ST6GALNAC3: variants seen among roughly 807,000 people sequenced by gnomAD.
ST6GALNAC3 encodes ST6 N-acetylgalactosaminide alpha-2,6-sialyltransferase 3, also known as alpha-N-acetylgalactosaminide alpha-2,6-sialyltransferase 3.
Under a neutral mutation model 32.7 loss-of-function variants are expected in ST6GALNAC3, and 25 were observed. The ratio of observed to expected loss-of-function variants is 0.76; its 90% confidence interval spans 0.56 to 1.07. The LOEUF is 1.07. Ranked by LOEUF, ST6GALNAC3 falls within the 50% of genes least tolerant of loss-of-function variation. ST6GALNAC3 has a pLI of 0.00. For missense variants in ST6GALNAC3, 355 were observed against 382.4 expected (o/e 0.93, Z 0.60); for synonymous variants, 129 against 133.1 (o/e 0.97, Z 0.21).
At chr1:76,382,732 A>G (rs1487859263) in intron 2 of ST6GALNAC3, among the ~76,000 whole-genome samples, 1 of 152,222 alleles carries the variant, frequency 6.6e-6, no homozygotes, top group African/African-American at 2.4e-5. Context: ...CTAAGGGATT[A>G]TAAATAAAAA....
intron 1 of ST6GALNAC3, among the ~76,000 whole-genome samples, chr1:76,154,934 C>T (rs1279193820): frequency 6.6e-6 from 1 of 152,138 alleles, no homozygotes; most frequent in East Asian, 1.9e-4. Flanking sequence ...GTTTCTTGGC[C>T]CTTGATTAGA....
chr1:76,141,708 C>A (rs1650335792), intron 1 of ST6GALNAC3, among the ~76,000 whole-genome samples: 1 of 152,220 alleles, frequency 6.6e-6, no homozygotes, highest in Admixed American at 6.5e-5. Flanking sequence ...ACACATACAT[C>A]CCCTCCCATC....
chr1:76,203,419 C>T (rs1026082404), intron 1 of ST6GALNAC3, among the ~76,000 whole-genome samples: 1 of 152,164 alleles, frequency 6.6e-6, no homozygotes, highest in African/African-American at 2.4e-5. Flanking sequence ...GTAAGTTTTA[C>T]AGGCTCTCCA....
At chr1:76,329,694 G>C (rs1044886355) in intron 2 of ST6GALNAC3, among the ~76,000 whole-genome samples, 2 of 151,954 alleles carry the variant, frequency 1.3e-5, no homozygotes, top group African/African-American at 2.4e-5. Flanking sequence ...TAAACACATG[G>C]ATCATTCTTT....
intron 2 of ST6GALNAC3, among the ~76,000 whole-genome samples, chr1:76,393,432 C>T (rs1652715681): frequency 6.6e-6 from 1 of 152,160 alleles, no homozygotes; most frequent in Admixed American, 6.5e-5. Context: ...ACAATTCATA[C>T]TCTTCATTCA....
At chr1:76,438,666 C>T (rs576506446) in intron 3 of ST6GALNAC3, among the ~76,000 whole-genome samples, 20 of 152,190 alleles carry the variant, frequency 1.3e-4, no homozygotes, top group African/African-American at 4.1e-4. Context: ...CTCCTGAATA[C>T]GTTTTCTTCT....
intron 3 of ST6GALNAC3, among the ~76,000 whole-genome samples, chr1:76,530,101 T>A (rs1198470121): frequency 5.9e-5 from 9 of 152,236 alleles, no homozygotes; most frequent in African/African-American, 2.2e-4. Context: ...TCCTAACCTA[T>A]GATTATTCAA....
intron 1 of ST6GALNAC3, among the ~76,000 whole-genome samples, chr1:76,248,532 C>T (rs1657438270): frequency 6.6e-6 from 1 of 152,110 alleles, no homozygotes; most frequent in African/African-American, 2.4e-5. Flanking sequence ...CAAATCACCG[C>T]CCCTTAGATT....
rs934400900 is a variant in ST6GALNAC3 at position 76,632,990 on chromosome 1, A to G, written c.*4184A>G. 4 of 152,182 alleles carry G rather than the reference A, an allele frequency of 2.6e-5. No individual in the cohort carries two copies. The highest frequency in any genetic ancestry group is 4.4e-5 in the Non-Finnish European group (3 of 68,024). 9.4% of individuals were successfully genotyped at this position (152,182 alleles called of 1,614,324 possible). On this transcript the variant is annotated 3_prime_UTR_variant, in exon 5 of 5. Transcript: ENST00000328299. ...TTAAAAGACAAGACCTCATCATTTCAGTAGTGTACATAGATTAGTGACTGA... is the reference window on the plus strand; with the variant it reads ...TTAAAAGACAAGACCTCATCATTTCGGTAGTGTACATAGATTAGTGACTGA...
At chr1:76,220,611 A>T (rs1004767485) in intron 1 of ST6GALNAC3, among the ~76,000 whole-genome samples, 2 of 152,186 alleles carry the variant, frequency 1.3e-5, no homozygotes, top group South Asian at 2.1e-4. Context: ...TGGCAGGATG[A>T]TCTAATGCTG....
rs1360714769 is a variant in ST6GALNAC3 at position 76,313,868 on chromosome 1, G to C, written c.82G>C (p.Val28Leu). 6.2e-7 allele frequency: 1 copy of C among 1,613,666 alleles called. No homozygotes were observed. The highest frequency in any genetic ancestry group is 1.1e-5 in the South Asian group (1 of 91,066). The change falls in exon 2 of 5, where the codon GTA becomes CTA. Residue 28 changes from valine to leucine, a missense_variant. By Grantham distance (32) the Val-to-Leu change is conservative (BLOSUM62 1). Transcript: ENST00000328299. ...AFLFLLVVRLVNEVNFPLLLN... is the reference protein window; with the variant it reads ...AFLFLLVVRLLNEVNFPLLLN... Reference sequence around the variant, plus strand: ...CCTTTTCCTGCTGGTTGTGCGTCTTGTAAATGAAGTGAATTTCCCATTGCT... The same window carrying C: ...CCTTTTCCTGCTGGTTGTGCGTCTTCTAAATGAAGTGAATTTCCCATTGCT...
Position 76,629,930 on chromosome 1 carries a change from C to T in ST6GALNAC3, c.*1124C>T. 1.0e-6 allele frequency: 1 copy of T among 985,056 alleles called. No individual in the cohort carries two copies. Among genetic ancestry groups the T allele is most frequent in the Non-Finnish European group, 1.2e-6 (1 of 829,770 alleles). 61.0% of individuals were successfully genotyped at this position (985,056 alleles called of 1,614,324 possible). A position where few individuals can be genotyped will look rare whatever the true frequency, so the allele number is the denominator to read the frequency against. ...TATTAAACCTGACCAGAGCTTTTTG[C>T]CTTCTAGGGATTTATTTTTCCCATA... On this transcript the variant is annotated 3_prime_UTR_variant, in exon 5 of 5. Coordinates refer to ENST00000328299, the MANE Select transcript of ST6GALNAC3 (RefSeq NM_152996.4).
intron 3 of ST6GALNAC3, among the ~76,000 whole-genome samples, chr1:76,590,105 C>G (rs916584973): frequency 6.6e-6 from 1 of 152,078 alleles, no homozygotes; most frequent in Non-Finnish European, 1.5e-5. Context: ...CAAGTTGTAC[C>G]CTTGAGGACC....
chr1:76,100,758 T>G (rs1647204900), intron 1 of ST6GALNAC3, among the ~76,000 whole-genome samples: 1 of 152,116 alleles, frequency 6.6e-6, no homozygotes, highest in African/African-American at 2.4e-5. Flanking sequence ...TGTTTTTTCT[T>G]TAAAGTTCTG....
intron 3 of ST6GALNAC3, among the ~76,000 whole-genome samples, chr1:76,557,648 T>G (rs535397473): frequency 6.6e-6 from 1 of 152,092 alleles, no homozygotes; most frequent in Admixed American, 6.6e-5. Context: ...TTGCCATAGT[T>G]TATAAATAGT....
At chr1:76,527,533 T>C (rs1019317128) in intron 3 of ST6GALNAC3, among the ~76,000 whole-genome samples, 5 of 152,084 alleles carry the variant, frequency 3.3e-5, no homozygotes, top group Admixed American at 2.6e-4. Flanking sequence ...TTTTAGACAA[T>C]GCAAATTAAC....
intron 3 of ST6GALNAC3, among the ~76,000 whole-genome samples, chr1:76,545,744 C>T (rs1389552558): frequency 6.6e-6 from 1 of 151,842 alleles, no homozygotes; most frequent in Admixed American, 6.6e-5. Flanking sequence ...ACAGCCTCCG[C>T]CTCTCAGGTT....
intron 1 of ST6GALNAC3, among the ~76,000 whole-genome samples, chr1:76,228,716 G>C (rs1656208144): frequency 6.6e-6 from 1 of 152,176 alleles, no homozygotes; most frequent in Admixed American, 6.5e-5. Flanking sequence ...CGCTGTAAAT[G>C]AGTTGTACTT....
chr1:76,550,060 T>C (rs1327434437), intron 3 of ST6GALNAC3, among the ~76,000 whole-genome samples: 2 of 152,244 alleles, frequency 1.3e-5, no homozygotes, highest in Non-Finnish European at 2.9e-5. Flanking sequence ...TTATATATTC[T>C]GGATAGCAAT....
Sources: allele counts gnomAD v4.1 joint callset (sites outside exome capture counted in the v4.1 genomes callset), GRCh38; gene constraint gnomAD v4.1.1; transcripts MANE v1.5; gene names NCBI Gene and HGNC (gene_info 2026-07-23, HGNC 2026-07-21).